The following KHDRBS2 variants were observed in gnomAD, a reference collection of about 807,000 sequenced individuals.
KHDRBS2 encodes the protein KH domain-containing, RNA-binding, signal transduction-associated protein 2.
KHDRBS2 carries 26 observed loss-of-function variants against 44.3 expected under a neutral mutation model. That is an observed-to-expected ratio of 0.59 (90% CI 0.43 to 0.81). The LOEUF is 0.81. Ranked by LOEUF, KHDRBS2 falls within the 40% of genes least tolerant of loss-of-function variation. The pLI is 0.00. For missense variants in KHDRBS2, 476 were observed against 433.1 expected, an observed-to-expected ratio of 1.10 and a Z score of -0.88; for synonymous variants, 194 against 151.1, an observed-to-expected ratio of 1.28 and a Z score of -2.08.
At chr6:62,183,910 T>C (rs369548072) in intron 1 of KHDRBS2, among the ~76,000 whole-genome samples, 5 of 151,708 alleles carry the variant, frequency 3.3e-5, no homozygotes, top group African/African-American at 7.2e-5. Context: ...GATACTTAAC[T>C]ACCTGGTAAT....
intron 2 of KHDRBS2, among the ~76,000 whole-genome samples, chr6:62,170,509 T>C (rs1819770218): frequency 1.3e-5 from 2 of 152,080 alleles, no homozygotes; most frequent in Non-Finnish European, 2.9e-5. Context: ...CGCAGGACAG[T>C]AAGAGCCTAT....
chr6:61,903,591 T>C (rs1804444325), intron 4 of KHDRBS2, among the ~76,000 whole-genome samples: 1 of 152,098 alleles, frequency 6.6e-6, no homozygotes, highest in South Asian at 2.1e-4. Context: ...AATCAGATGG[T>C]GTCACAGACT....
intron 2 of KHDRBS2, among the ~76,000 whole-genome samples, chr6:62,101,944 T>G (rs1475538209): frequency 6.6e-6 from 1 of 152,170 alleles, no homozygotes; most frequent in Admixed American, 6.5e-5. Context: ...AAACAAGTAT[T>G]ACAACTCTAC....
intron 6 of KHDRBS2, among the ~76,000 whole-genome samples, chr6:61,807,085 G>A (rs1273737862): frequency 6.6e-6 from 1 of 151,986 alleles, no homozygotes; most frequent in Non-Finnish European, 1.5e-5. Context: ...GCTCAAGATC[G>A]CTGATCATTA....
At chr6:61,972,450 A>T (rs1295697615) in intron 4 of KHDRBS2, among the ~76,000 whole-genome samples, 15 of 152,190 alleles carry the variant, frequency 9.9e-5, no homozygotes, top group Admixed American at 9.2e-4. Context: ...ATTTCTGAGC[A>T]ACTAATAATT....
chr6:61,789,423 A>G (rs1230544768), intron 6 of KHDRBS2, among the ~76,000 whole-genome samples: 1 of 151,554 alleles, frequency 6.6e-6, no homozygotes, highest in Non-Finnish European at 1.5e-5. Flanking sequence ...GAATAAAGAA[A>G]CAAATTTAAA....
intron 6 of KHDRBS2, among the ~76,000 whole-genome samples, chr6:61,886,683 G>A (rs1801000488): frequency 6.6e-6 from 1 of 152,104 alleles, no homozygotes; most frequent in Non-Finnish European, 1.5e-5. Context: ...AAGAAACACT[G>A]CCTTTAGGAT....
chr6:61,657,708 A>G, the KHDRBS2 span, among the ~76,000 whole-genome samples: 155 of 152,060 alleles, frequency 1.0e-3, no homozygotes, highest in African/African-American at 3.6e-3. Context: ...ATCTGAGAAG[A>G]GTGGTTTACC....
chr6:62,122,089 G>C (rs1807796453), intron 2 of KHDRBS2, among the ~76,000 whole-genome samples: 1 of 152,102 alleles, frequency 6.6e-6, no homozygotes, highest in Admixed American at 6.5e-5. Flanking sequence ...GTGGGGTCCA[G>C]AACAGAAGAA....
intron 6 of KHDRBS2, among the ~76,000 whole-genome samples, chr6:61,833,145 G>C (rs2127264099): frequency 1.3e-5 from 2 of 152,192 alleles, no homozygotes; most frequent in South Asian, 4.1e-4. Flanking sequence ...GTGCTTAAAA[G>C]ACAAAATGGT....
intron 1 of KHDRBS2, among the ~76,000 whole-genome samples, chr6:62,283,716 A>T (rs541097931): frequency 6.6e-6 from 1 of 152,284 alleles, no homozygotes; most frequent in East Asian, 1.9e-4. Flanking sequence ...CTTTGGAAAG[A>T]TAATGAAAGA....
intron 3 of KHDRBS2, among the ~76,000 whole-genome samples, chr6:62,043,683 A>C (rs1787046304): frequency 1.3e-5 from 2 of 152,052 alleles, no homozygotes; most frequent in Non-Finnish European, 2.9e-5. Context: ...GCTAGGTATA[A>C]CTAAACAAAA....
At chr6:61,810,554 A>G (rs763271467) in intron 6 of KHDRBS2, among the ~76,000 whole-genome samples, 59 of 152,280 alleles carry the variant, frequency 3.9e-4, no homozygotes, top group Admixed American at 9.2e-4. Flanking sequence ...AAATTTGTAA[A>G]TAATGTAAAA....
chr6:61,718,910 T>C (rs1008789457), intron 7 of KHDRBS2, among the ~76,000 whole-genome samples: 6 of 152,160 alleles, frequency 3.9e-5, no homozygotes, highest in Admixed American at 2.0e-4. Flanking sequence ...CCCCACACTG[T>C]TTCAGCCCTG....
At chr6:61,551,199 T>C in the KHDRBS2 span, among the ~76,000 whole-genome samples, 2 of 152,208 alleles carry the variant, frequency 1.3e-5, no homozygotes, top group South Asian at 4.1e-4. Flanking sequence ...CTCTGACCTT[T>C]TTTCAATGGG....
chr6:61,868,518 A>C (rs1334008850), intron 6 of KHDRBS2, among the ~76,000 whole-genome samples: 1 of 152,180 alleles, frequency 6.6e-6, no homozygotes, highest in Non-Finnish European at 1.5e-5. Flanking sequence ...GGGTGGCTGG[A>C]GGCCCCAGCT....
intron 1 of KHDRBS2, among the ~76,000 whole-genome samples, chr6:62,281,368 T>C (rs924939099): frequency 1.3e-5 from 2 of 152,136 alleles, no homozygotes; most frequent in African/African-American, 2.4e-5. Flanking sequence ...ATGCCTGTAA[T>C]CCTAGCACTT....
intron 3 of KHDRBS2, among the ~76,000 whole-genome samples, chr6:62,024,772 T>A (rs575951342): frequency 3.3e-5 from 5 of 151,790 alleles, no homozygotes; most frequent in Admixed American, 1.3e-4. Flanking sequence ...ATCATTCTAT[T>A]TCATTGTAAT....
the KHDRBS2 span, among the ~76,000 whole-genome samples, chr6:61,591,896 G>C: frequency 2.0e-5 from 3 of 152,118 alleles, no homozygotes; most frequent in Non-Finnish European, 4.4e-5. Flanking sequence ...AGATTAAAAG[G>C]AGAAAAGGGG....
Sources: gnomAD v4.1 joint callset for allele counts (sites outside exome capture counted in the v4.1 genomes callset) on GRCh38, gnomAD v4.1.1 for gene constraint, MANE v1.5 for transcripts, NCBI Gene and HGNC (gene_info 2026-07-23, HGNC 2026-07-21) for gene names.